Variants in CUX2 observed in about 807,000 individuals in gnomAD.
The protein encoded by CUX2 is homeobox protein cut-like 2.
CUX2 carries 40 observed loss-of-function variants against 144.8 expected under a neutral mutation model. That is an observed-to-expected ratio of 0.28 (90% confidence interval 0.21 to 0.36). The LOEUF (loss-of-function observed/expected upper bound fraction) is 0.36. Ranked by LOEUF, CUX2 falls within the 10% of genes least tolerant of loss-of-function variation. The probability of loss-of-function intolerance (pLI) is 1.00; values close to 1 mark genes in which losing one functional copy is unlikely to be tolerated. For synonymous variants in CUX2, 827 were observed against 875.6 expected (o/e 0.94, Z 0.98); for missense variants, 1,615 against 1,994.0 (o/e 0.81, Z 3.62).
In CUX2 at chr12:111,287,565, T is replaced by G. The variant is rs543985862; in HGVS notation, c.302-3853T>G. On this transcript the variant is annotated intron_variant, in intron 4 of 21. Coordinates refer to ENST00000261726, the MANE Select transcript of CUX2 (RefSeq NM_015267.4). This position sits in a 1 kb window ranked among gnomAD's most constrained non-coding sequence, Gnocchi z 4.2. Reference sequence around the variant, plus strand: ...ACACAACAAATAATTATAGATGAATTTTTAGCTGGCCTGCCTAATGCGCTT... The same window carrying G: ...ACACAACAAATAATTATAGATGAATGTTTAGCTGGCCTGCCTAATGCGCTT... Among the ~76,000 whole-genome samples, 26 of 152,370 alleles carry G rather than the reference T, an allele frequency of 1.7e-4. No individual in the cohort carries two copies. Among genetic ancestry groups the G allele is most frequent in the African/African-American group, 5.0e-4 (21 of 41,596 alleles).
At chr12:111,222,045 T>C (rs1881886192) in intron 3 of CUX2, among the ~76,000 whole-genome samples, 1 of 152,166 alleles carries the variant, frequency 6.6e-6, no homozygotes, top group African/African-American at 2.4e-5. Context: ...AAAAGTTGCT[T>C]TATGAAAGAT....
At position 111,277,805 on chromosome 12, in the gene CUX2, G is replaced by T. The variant is rs1401414304; in HGVS notation, c.302-13613G>T. Among the ~76,000 whole-genome samples the T allele has an allele frequency of 6.6e-6, 1 of 152,194 alleles. No individual in the cohort carries two copies. The highest frequency in any genetic ancestry group is 2.4e-5 in the African/African-American group (1 of 41,438). On this transcript the variant is annotated intron_variant, in intron 4 of 21. Transcript: ENST00000261726. The surrounding 1 kb of genome is among the most constrained non-coding windows in gnomAD (Gnocchi z 5.0). ...TAGGGACTCTTAGTCACCTGTCACG[G>T]CTGTAACAAATACCATGAGCTTAGA...
rs10525230 is a variant in CUX2, at chr12:111,061,178, G to GCACACACACACACA, written c.63+26963_63+26976dup. 8.3e-4 allele frequency among the ~76,000 whole-genome samples: 119 copies of GCACACACACACACA among 143,724 alleles called. No individual in the cohort carries two copies. The highest frequency in any genetic ancestry group is 3.5e-3 in the Middle Eastern group (1 of 282). 94.3% of individuals were successfully genotyped at this position (143,724 alleles called of 152,430 possible). A position where few individuals can be genotyped will look rare whatever the true frequency, so the allele number is the denominator to read the frequency against. Reference sequence around the variant, plus strand: ...TGTCCCCAGATGTGTGCATGCATATGCACACACACACACACACACACACAC... The same window carrying GCACACACACACACA: ...TGTCCCCAGATGTGTGCATGCATATGCACACACACACACACACACACACACACACACACACACAC... On this transcript the variant is annotated intron_variant, in intron 1 of 21. Coordinates refer to ENST00000261726, the MANE Select transcript of CUX2 (RefSeq NM_015267.4). This position sits in a 1 kb window ranked among gnomAD's most constrained non-coding sequence, Gnocchi z 4.2.
At chr12:111,172,737 T>C (rs1362787264) in intron 1 of CUX2, among the ~76,000 whole-genome samples, 2 of 152,234 alleles carry the variant, frequency 1.3e-5, no homozygotes, top group Non-Finnish European at 2.9e-5. Context: ...ACCAAATCAA[T>C]GCAAATAACC....
chr12:111,213,019 G>T (rs149821205), intron 1 of CUX2, among the ~76,000 whole-genome samples: 3 of 152,368 alleles, frequency 2.0e-5, no homozygotes, highest in African/African-American at 4.8e-5. Context: ...TCAACACGGT[G>T]CCGGGCCTCA....
intron 3 of CUX2, among the ~76,000 whole-genome samples, chr12:111,228,174 A>G (rs911283236): frequency 6.6e-6 from 1 of 152,208 alleles, no homozygotes; most frequent in Non-Finnish European, 1.5e-5. Context: ...AGGGACATGC[A>G]TACTTACATC....
At chr12:111,326,120 G>T (rs868366327) in intron 18 of CUX2, among the ~76,000 whole-genome samples, 1 of 6,760 alleles carries the variant, frequency 1.5e-4, no homozygotes, top group Non-Finnish European at 2.2e-4. Context: ...GGAGGGGTGG[G>T]TTTGTTTATA....
At chr12:111,138,697 G>A (rs981297920) in intron 1 of CUX2, among the ~76,000 whole-genome samples, 52 of 152,212 alleles carry the variant, frequency 3.4e-4, no homozygotes, top group African/African-American at 1.2e-3. Flanking sequence ...TTGCCAAGCA[G>A]CACCCATCCC....
intron 3 of CUX2, among the ~76,000 whole-genome samples, chr12:111,258,940 G>GCA (rs1883969534): frequency 6.6e-6 from 1 of 152,022 alleles, no homozygotes; most frequent in African/African-American, 2.4e-5. Context: ...CACTTAGAGT[G>GCA]CATTGCAGCC....
At chr12:111,092,464 C>T (rs895082980) in intron 1 of CUX2, among the ~76,000 whole-genome samples, 13 of 152,206 alleles carry the variant, frequency 8.5e-5, no homozygotes, top group African/African-American at 2.9e-4. Context: ...ATAGTACCTT[C>T]CCAATGCGGC....
Position 111,347,576 on chromosome 12 carries a change from C to A in CUX2, c.3712C>A (p.Leu1238Ile). 1.2e-6 allele frequency: 2 copies of A among 1,612,892 alleles called. No individual in the cohort carries two copies. Among genetic ancestry groups the A allele is most frequent in the African/African-American group, 2.7e-5 (2 of 74,932 alleles). Residue 1238 changes from leucine (L) to isoleucine (I), a missense_variant, in exon 22 of 22, where the codon CTT becomes ATT. Physicochemically the swap from Leu to Ile is conservative, Grantham distance 5. Around this residue, in one of 12 missense-constraint regions of CUX2, gnomAD observed 298 missense variants for 330.4 expected, o/e 0.90. Coordinates refer to ENST00000261726, the MANE Select transcript of CUX2 (RefSeq NM_015267.4). ...GGAGGGGACCCAGGATGAGCCAGAC[C>A]TTGATCCAAGCGGGGGTCCTGGAAT... is the stretch of plus-strand genomic sequence containing the variant. ...LVEGTQDEPD[L>I]DPSGGPGILP...
At chr12:111,301,629 C>T (rs1886299873) in intron 9 of CUX2, among the ~76,000 whole-genome samples, 1 of 152,082 alleles carries the variant, frequency 6.6e-6, no homozygotes, top group African/African-American at 2.4e-5. Context: ...GGGATCCTCC[C>T]AAGTAGCAAG....
rs755479468 is a variant in CUX2 at position 111,306,984 on chromosome 12, A to C, written c.922A>C (p.Arg308=). 1.9e-6 allele frequency: 3 copies of C among 1,613,650 alleles called. No homozygotes were observed. The highest frequency in any genetic ancestry group is 2.5e-6 in the Non-Finnish European group (3 of 1,179,936). The change falls in exon 11 of 22, where the codon AGG becomes CGG. Residue 308 remains arginine, a synonymous_variant. Coordinates refer to ENST00000261726, the MANE Select transcript of CUX2 (RefSeq NM_015267.4). ...RLEAALASKD[R]EILRLLKDVQ... is the part of the protein sequence containing the mutation. ...GGAGGCCGCGCTGGCCTCCAAGGAC[A>C]GGGAGATCCTGCGGCTGCTGAAGGA...
intron 1 of CUX2, among the ~76,000 whole-genome samples, chr12:111,176,797 G>T (rs1203470612): frequency 1.3e-5 from 2 of 152,108 alleles, no homozygotes. Context: ...ACACAGATCT[G>T]AACTCCTCTC....
At chr12:111,105,398 C>G (rs552304644) in intron 1 of CUX2, among the ~76,000 whole-genome samples, 1 of 152,336 alleles carries the variant, frequency 6.6e-6, no homozygotes, top group South Asian at 2.1e-4. Flanking sequence ...CGCCTCCTCC[C>G]AGGAAGGGGC....
intron 20 of CUX2, among the ~76,000 whole-genome samples, chr12:111,339,984 C>A (rs763657240): frequency 3.3e-5 from 5 of 152,108 alleles, no homozygotes; most frequent in Non-Finnish European, 7.4e-5. Context: ...TCACTTGAGG[C>A]CAGAAGTTCA....
intron 14 of CUX2, among the ~76,000 whole-genome samples, chr12:111,309,029 T>A (rs1462636502): frequency 6.6e-6 from 1 of 152,080 alleles, no homozygotes; most frequent in African/African-American, 2.4e-5. Flanking sequence ...CTCGGCCTCC[T>A]GAGTAGCTGG....
chr12:111,095,736 T>C (rs1351278640), intron 1 of CUX2, among the ~76,000 whole-genome samples: 8 of 152,178 alleles, frequency 5.3e-5, no homozygotes, highest in Non-Finnish European at 1.2e-4. Flanking sequence ...CTTATTAAAA[T>C]TGTATTGATC....
chr12:111,076,505 C>T (rs1487700738), intron 1 of CUX2, among the ~76,000 whole-genome samples: 1 of 152,244 alleles, frequency 6.6e-6, no homozygotes, highest in Non-Finnish European at 1.5e-5. Context: ...GATTTGAATT[C>T]TGTTGGCTAC....
Sources: allele counts gnomAD v4.1 joint callset (sites outside exome capture counted in the v4.1 genomes callset), GRCh38; gene constraint gnomAD v4.1.1; regional missense constraint gnomAD v4.1.1; non-coding constraint Gnocchi (gnomAD v3.1); transcripts MANE v1.5; gene names NCBI Gene and HGNC (gene_info 2026-07-23, HGNC 2026-07-21).